The following PCDHA7 variants were observed in gnomAD, a reference collection of about 807,000 sequenced individuals.
PCDHA7 encodes protocadherin alpha 7, also known as protocadherin alpha-7.
PCDHA7 carries 37 observed loss-of-function variants against 57.2 expected under a neutral mutation model. That is an observed-to-expected ratio of 0.65 (90% CI 0.50 to 0.85). The LOEUF is 0.85. Ranked by LOEUF, PCDHA7 falls within the 40% of genes least tolerant of loss-of-function variation. The pLI is 0.00. For synonymous variants in PCDHA7, 553 were observed against 558.8 expected (o/e 0.99, Z 0.15); for missense variants, 1,188 against 1,241.8 (o/e 0.96, Z 0.65).
At chr5:140,887,438 A>T (rs540823028) in intron 1 of PCDHA7, among the ~76,000 whole-genome samples, 3 of 152,268 alleles carry the variant, frequency 2.0e-5, no homozygotes, top group Admixed American at 6.5e-5. Flanking sequence ...TTCACTGGGC[A>T]TAGTTGACAG....
intron 1 of PCDHA7, among the ~76,000 whole-genome samples, chr5:140,845,445 T>A (rs1779878937): frequency 6.7e-6 from 1 of 149,700 alleles, no homozygotes; most frequent in Non-Finnish European, 1.5e-5. Context: ...GTTCTGTTTT[T>A]CTTCAACTCT....
At chr5:140,950,778 G>C (rs537312607) in intron 1 of PCDHA7, among the ~76,000 whole-genome samples, 3 of 152,030 alleles carry the variant, frequency 2.0e-5, no homozygotes, top group Admixed American at 1.3e-4. Flanking sequence ...CATACATATG[G>C]TACTTTTTAA....
chr5:140,921,233 T>C lies in PCDHA7; in HGVS notation c.2356-57716T>C, dbSNP rs1431130539. 2.6e-5 allele frequency among the ~76,000 whole-genome samples: 4 copies of C among 152,162 alleles called. No individual in the cohort carries two copies. The East Asian group carries it at 5.8e-4, about 22-fold the overall frequency. ...TTCACGTCTTTTTTGCTAGATGATATTAAGCCACAGATCAAAAAGTCCTAG... is the reference window on the plus strand; with the variant it reads ...TTCACGTCTTTTTTGCTAGATGATACTAAGCCACAGATCAAAAAGTCCTAG... On this transcript the variant is annotated intron_variant, in intron 1 of 3. Coordinates refer to ENST00000525929, the MANE Select transcript of PCDHA7 (RefSeq NM_018910.3).
intron 1 of PCDHA7, chr5:140,876,827 C>T (rs1554168978): frequency 6.2e-7 from 1 of 1,614,182 alleles, no homozygotes; most frequent in Admixed American, 1.7e-5. Context: ...AACGACAATG[C>T]GCCTGCGTTC....
intron 1 of PCDHA7, among the ~76,000 whole-genome samples, chr5:140,846,126 G>T (rs2150384899): frequency 6.7e-6 from 1 of 149,636 alleles, no homozygotes; most frequent in East Asian, 1.9e-4. Flanking sequence ...TTTGATAGTT[G>T]TATGTTTCCC....
At chr5:140,857,797 G>A (rs371795952) in intron 1 of PCDHA7, 2 of 1,597,708 alleles carry the variant, frequency 1.3e-6, no homozygotes, top group Middle Eastern at 1.7e-4. Flanking sequence ...TGCTGCGGTC[G>A]GTGGTTGCGG....
chr5:140,976,171 A>T (rs1356953697), intron 1 of PCDHA7, among the ~76,000 whole-genome samples: 1 of 152,218 alleles, frequency 6.6e-6, no homozygotes, highest in African/African-American at 2.4e-5. Flanking sequence ...TTAGTTTTGT[A>T]TTGTTTTAAA....
intron 1 of PCDHA7, among the ~76,000 whole-genome samples, chr5:140,839,798 G>C (rs1186676408): frequency 6.6e-6 from 1 of 151,960 alleles, no homozygotes; most frequent in Non-Finnish European, 1.5e-5. Context: ...ATTTGGAGGA[G>C]CTCTTAATTG....
chr5:140,869,613 C>T (rs369176341), intron 1 of PCDHA7: 402 of 1,613,826 alleles, frequency 2.5e-4, no homozygotes, highest in Non-Finnish European at 3.3e-4. Context: ...TATTGACCTA[C>T]AGGCTAAGTA....
intron 1 of PCDHA7, chr5:140,967,958 C>A (rs202159883): frequency 6.2e-7 from 1 of 1,614,182 alleles, no homozygotes; most frequent in Non-Finnish European, 8.5e-7. Context: ...AGGCCCCAAC[C>A]GGAAAGTGAG....
chr5:140,899,249 G>A (rs1256693010), intron 1 of PCDHA7, among the ~76,000 whole-genome samples: 9 of 152,122 alleles, frequency 5.9e-5, no homozygotes, highest in African/African-American at 2.2e-4. Context: ...TGGTGAGAGA[G>A]GGCATCCCTG....
chr5:140,920,282 T>C (rs1554199556), intron 1 of PCDHA7, among the ~76,000 whole-genome samples: 1 of 152,218 alleles, frequency 6.6e-6, no homozygotes, highest in African/African-American at 2.4e-5. Context: ...TAATCTTATA[T>C]TTTTTAGAGG....
intron 1 of PCDHA7, among the ~76,000 whole-genome samples, chr5:140,844,016 T>G (rs1779187078): frequency 6.7e-6 from 1 of 149,762 alleles, no homozygotes; most frequent in Non-Finnish European, 1.5e-5. Flanking sequence ...CTAAGGACGT[T>G]CAGGGCATTT....
chr5:140,983,444 TC>T (rs1554245415), intron 3 of PCDHA7, among the ~76,000 whole-genome samples: 1 of 152,224 alleles, frequency 6.6e-6, no homozygotes. Context: ...TCTACTCTAA[TC>T]CTCTATTAAT....
At chr5:140,883,121 G>C in intron 1 of PCDHA7, 12 of 1,614,070 alleles carry the variant, frequency 7.4e-6, no homozygotes, top group Non-Finnish European at 1.0e-5. Context: ...TAGAAGGCCT[G>C]TATGGCCTGC....
intron 1 of PCDHA7, among the ~76,000 whole-genome samples, chr5:140,974,769 T>C (rs1487371754): frequency 6.6e-6 from 1 of 152,238 alleles, no homozygotes; most frequent in Non-Finnish European, 1.5e-5. Context: ...ATTACAGGTA[T>C]GAGCCACTGC....
intron 1 of PCDHA7, among the ~76,000 whole-genome samples, chr5:140,948,132 C>G (rs1397250622): frequency 1.3e-5 from 2 of 151,526 alleles, no homozygotes; most frequent in African/African-American, 4.8e-5. Context: ...TTGGATTACA[C>G]TAATTGATTT....
intron 1 of PCDHA7, among the ~76,000 whole-genome samples, chr5:140,919,535 ACTTTT>A (rs1310340464): frequency 1.3e-5 from 2 of 151,732 alleles, no homozygotes; most frequent in Non-Finnish European, 2.9e-5. Flanking sequence ...TTTTTCCTAT[ACTTTT>A]CATTTACTGA....
At chr5:140,996,596 C>G (rs1343501273) in intron 3 of PCDHA7, among the ~76,000 whole-genome samples, 1 of 152,156 alleles carries the variant, frequency 6.6e-6, no homozygotes. Flanking sequence ...CCGCCTCCCC[C>G]CATTTTCATT....
Sources: gnomAD v4.1 joint callset for allele counts (sites outside exome capture counted in the v4.1 genomes callset) on GRCh38, gnomAD v4.1.1 for gene constraint, MANE v1.5 for transcripts, NCBI Gene and HGNC (gene_info 2026-07-23, HGNC 2026-07-21) for gene names.